RYR3: variants seen among roughly 807,000 people sequenced by gnomAD.
RYR3 encodes the protein brain ryanodine receptor-calcium release channel.
In RYR3, 207 loss-of-function variants were observed where a neutral mutation model predicts 584.3. The ratio of observed to expected loss-of-function variants is 0.35; its 90% CI spans 0.32 to 0.40. The LOEUF (loss-of-function observed/expected upper bound fraction) is 0.40, where lower values mean the gene tolerates loss of function less well. Among genes scored for constraint, RYR3 ranks in the 10% least tolerant of loss-of-function variants. The pLI, the probability that RYR3 is intolerant of heterozygous loss-of-function variation, is 1.00. For synonymous variants in RYR3, 2,416 were observed against 2,248.5 expected, an observed-to-expected ratio of 1.07 and a Z score of -2.11; for missense variants, 5,616 against 6,089.2, an observed-to-expected ratio of 0.92 and a Z score of 2.59.
At chr15:33,415,853 C>T (rs576207055) in intron 1 of RYR3, among the ~76,000 whole-genome samples, 2 of 152,092 alleles carry the variant, frequency 1.3e-5, no homozygotes, top group African/African-American at 4.8e-5. Flanking sequence ...AACCCTTCTC[C>T]CCACCTTCAT....
intron 42 of RYR3, among the ~76,000 whole-genome samples, 181 bp downstream of exon 42, chr15:33,701,261 T>A (rs1240659881): frequency 6.6e-6 from 1 of 152,190 alleles, no homozygotes; most frequent in Admixed American, 6.5e-5. Flanking sequence ...CCAAGGGATC[T>A]CCTGTGAACA....
chr15:33,421,865 A>T (rs2044267032), intron 1 of RYR3, among the ~76,000 whole-genome samples: 1 of 152,172 alleles, frequency 6.6e-6, no homozygotes. Context: ...AAAACGGATG[A>T]ATTTTAAAAG....
intron 1 of RYR3, among the ~76,000 whole-genome samples, chr15:33,337,550 A>G (rs1971264769): frequency 8.8e-6 from 1 of 114,126 alleles, no homozygotes; most frequent in African/African-American, 3.8e-5. Context: ...AAGGAAAATT[A>G]CAATCCAAGT....
intron 18 of RYR3, among the ~76,000 whole-genome samples, chr15:33,607,286 G>A (rs542716910): frequency 3.9e-5 from 6 of 152,252 alleles, no homozygotes; most frequent in Admixed American, 6.5e-5. Context: ...TACACCCTGA[G>A]GTTAATTGAA....
chr15:33,509,654 G>A (rs2052796650), intron 3 of RYR3, among the ~76,000 whole-genome samples: 1 of 152,188 alleles, frequency 6.6e-6, no homozygotes, highest in African/African-American at 2.4e-5. Context: ...CTTATATTGT[G>A]ATGTAAGTCC....
intron 2 of RYR3, among the ~76,000 whole-genome samples, chr15:33,481,405 ATAAAG>A (rs1415014178): frequency 3.3e-5 from 5 of 151,974 alleles, no homozygotes; most frequent in African/African-American, 9.7e-5. Context: ...TTGCCTTTAA[ATAAAG>A]TAAAGTTATG....
chr15:33,475,302 A>C (rs1162405967), intron 2 of RYR3, among the ~76,000 whole-genome samples: 2 of 152,200 alleles, frequency 1.3e-5, no homozygotes, highest in Non-Finnish European at 2.9e-5. Context: ...GGTATAGGGC[A>C]GTGCTTTAGG....
chr15:33,570,302 A>G (rs1181044942), intron 12 of RYR3, among the ~76,000 whole-genome samples: 1 of 152,114 alleles, frequency 6.6e-6, no homozygotes, highest in Non-Finnish European at 1.5e-5. Context: ...GGCCATATGG[A>G]TATCAGATTT....
At chr15:33,864,317 C>CT (rs1889650639) in intron 103 of RYR3, 128 bp downstream of exon 103, 1 of 694,886 alleles carries the variant, frequency 1.4e-6, no homozygotes, top group Non-Finnish European at 2.4e-6. Flanking sequence ...TTCCCATCAC[C>CT]TTTTTGTGAC....
At chr15:33,580,616 A>C (rs546929075) in intron 13 of RYR3, among the ~76,000 whole-genome samples, 2 of 152,166 alleles carry the variant, frequency 1.3e-5, no homozygotes, top group East Asian at 3.9e-4. Flanking sequence ...CATGAGGAAA[A>C]TATCAGCTTG....
At position 33,663,602 on chromosome 15, in the gene RYR3, A is replaced by G. The variant is rs187371252; in HGVS notation, c.5484A>G (p.Ala1828=). ...AGCACCGAGTGGAGGCCATTGTGGC[A>G]TTTGGTGACATTTATGTCTCCAAGC... is the stretch of plus-strand genomic sequence containing the variant. ...ELQHRVEAIV[A]FGDIYVSKLQ... is the part of the protein sequence containing the mutation. The change falls in exon 36 of 104, where the codon GCA becomes GCG. Residue 1828 remains alanine (A), a synonymous_variant. Transcript: ENST00000634891. The G allele has an allele frequency of 1.8e-3, 2,964 of 1,613,652 alleles. 5 individuals are homozygous for G. The highest frequency in any genetic ancestry group is 2.3e-3 in the Non-Finnish European group (2,714 of 1,179,810).
intron 1 of RYR3, among the ~76,000 whole-genome samples, chr15:33,344,944 A>G (rs1280225235): frequency 6.6e-6 from 1 of 152,194 alleles, no homozygotes; most frequent in Non-Finnish European, 1.5e-5. Context: ...GCTGAAATCC[A>G]CTTTCCCAAT....
intron 1 of RYR3, among the ~76,000 whole-genome samples, chr15:33,357,128 T>G (rs911157508): frequency 1.3e-5 from 2 of 152,184 alleles, no homozygotes; most frequent in Non-Finnish European, 2.9e-5. Context: ...ACATATGTGG[T>G]GTTTGCAGCA....
chr15:33,864,143 T>C lies in RYR3; in HGVS notation c.14471T>C (p.Phe4824Ser). 1 of 1,611,326 alleles carries C rather than the reference T, an allele frequency of 6.2e-7. No homozygotes were observed. The highest frequency in any genetic ancestry group is 8.5e-7 in the Non-Finnish European group (1 of 1,178,156). Residue 4824 changes from phenylalanine to serine, a missense_variant, in exon 103 of 104, where the codon TTT (phenylalanine) becomes TCT (serine). This residue lies in a region of RYR3 where 918 missense variants were observed against 887.4 expected (regional missense o/e 1.03). Coordinates refer to ENST00000634891, the MANE Select transcript of RYR3 (RefSeq NM_001036.6). ...CTATCTTTTCCTCGTTCCAGGTTCT[T>C]TCTGATGTATTTGATTAATAAAGAT... Reference protein sequence around the residue: ...QEHNLANYLFFLMYLINKDET... With the variant: ...QEHNLANYLFSLMYLINKDET...
At chr15:33,691,501 G>C (rs909546240) in intron 38 of RYR3, among the ~76,000 whole-genome samples, 5 of 151,968 alleles carry the variant, frequency 3.3e-5, no homozygotes, top group African/African-American at 7.3e-5. Context: ...GAAGTGAAAG[G>C]CTTACTTTTT....
At chr15:33,490,192 C>T (rs1289714874) in intron 2 of RYR3, among the ~76,000 whole-genome samples, 3 of 152,172 alleles carry the variant, frequency 2.0e-5, no homozygotes, top group Non-Finnish European at 4.4e-5. Context: ...ATAAGAATGT[C>T]TTCAAATCAC....
At chr15:33,682,954 A>G (rs903301494) in intron 38 of RYR3, among the ~76,000 whole-genome samples, 5 of 151,694 alleles carry the variant, frequency 3.3e-5, no homozygotes, top group Non-Finnish European at 5.9e-5. Flanking sequence ...CTTCACCTCA[A>G]TGTCATCTTG....
chr15:33,494,190 C>T (rs1288036515), intron 2 of RYR3, among the ~76,000 whole-genome samples: 1 of 152,094 alleles, frequency 6.6e-6, no homozygotes, highest in Non-Finnish European at 1.5e-5. Context: ...TTTGGATTCT[C>T]TGCTTCTAGG....
At chr15:33,316,697 T>A (rs1025943013) in intron 1 of RYR3, among the ~76,000 whole-genome samples, 1 of 152,240 alleles carries the variant, frequency 6.6e-6, no homozygotes, top group Non-Finnish European at 1.5e-5. Context: ...GAGGCAATAG[T>A]CATTCCAAAT....
Sources: gnomAD v4.1 joint callset for allele counts (sites outside exome capture counted in the v4.1 genomes callset) on GRCh38, gnomAD v4.1.1 for gene constraint, gnomAD v4.1.1 regional missense constraint, MANE v1.5 for transcripts, NCBI Gene and HGNC (gene_info 2026-07-23, HGNC 2026-07-21) for gene names.